The following ZZEF1 variants were observed in gnomAD, a reference collection of about 807,000 sequenced individuals.
The protein encoded by ZZEF1 is zinc finger ZZ-type and EF-hand domain-containing protein 1.
ZZEF1 carries 157 observed loss-of-function variants against 342.8 expected under a neutral mutation model. That is an observed-to-expected ratio of 0.46 (90% confidence interval 0.40 to 0.52). ZZEF1 has a LOEUF of 0.52. ZZEF1 is among the 20% of genes least tolerant of loss of function. ZZEF1 has a pLI of 0.00. For synonymous variants in ZZEF1, 1,505 were observed against 1,429.1 expected, an observed-to-expected ratio of 1.05 and a Z score of -1.20; for missense variants, 3,480 against 3,725.6, an observed-to-expected ratio of 0.93 and a Z score of 1.72.
At chr17:4,031,599 A>G (rs1034743807) in intron 42 of ZZEF1, among the ~76,000 whole-genome samples, 1 of 152,206 alleles carries the variant, frequency 6.6e-6, no homozygotes, top group Non-Finnish European at 1.5e-5. Flanking sequence ...GCTGATGCTG[A>G]GTGAAAATGC....
intron 7 of ZZEF1, among the ~76,000 whole-genome samples, chr17:4,105,253 T>C (rs1344551443): frequency 6.6e-6 from 1 of 152,188 alleles, no homozygotes; most frequent in Non-Finnish European, 1.5e-5. Flanking sequence ...TCTAATGCAA[T>C]AATGTCCTCA....
chr17:4,028,710 A>C (rs2056472169), intron 42 of ZZEF1, among the ~76,000 whole-genome samples: 1 of 152,224 alleles, frequency 6.6e-6, no homozygotes, highest in African/African-American at 2.4e-5. Flanking sequence ...GGTTAAAGTG[A>C]AAAGATGTGA....
At chr17:4,099,489 C>T (rs1203130661) in intron 9 of ZZEF1, among the ~76,000 whole-genome samples, 1 of 151,086 alleles carries the variant, frequency 6.6e-6, no homozygotes, top group Non-Finnish European at 1.5e-5. Context: ...CCCAAAGTGT[C>T]GGGGTTACAG....
intron 18 of ZZEF1, 147 bp downstream of exon 18, chr17:4,081,229 C>T: frequency 1.5e-6 from 1 of 688,822 alleles, no homozygotes; most frequent in Non-Finnish European, 2.5e-6. Context: ...AGAGCAAGAC[C>T]CTATCTCAAA....
In ZZEF1 at chr17:4,105,616, T is replaced by C. The variant is rs894370368; in HGVS notation, c.1394+77A>G. ...AGTGGTGATCGTTAAAAGATTAATA[T>C]ATATTTTTTAAAGACTTAACAAGCA... is the stretch of plus-strand genomic sequence containing the variant. On this transcript the variant is annotated intron_variant, in intron 7 of 54. Transcript: ENST00000381638. The C allele has an allele frequency of 1.1e-5, 12 of 1,084,114 alleles. No homozygotes were observed. The African/African-American group carries it at 1.1e-4, about 10-fold the overall frequency. 67.2% of individuals were successfully genotyped at this position (1,084,114 alleles called of 1,614,324 possible). A position where few individuals can be genotyped will look rare whatever the true frequency, so the allele number is the denominator to read the frequency against.
intron 14 of ZZEF1, 78 bp downstream of exon 14, chr17:4,087,356 A>G: frequency 8.1e-7 from 1 of 1,241,812 alleles, no homozygotes; most frequent in Non-Finnish European, 1.1e-6. Flanking sequence ...AAAAATTAGG[A>G]AAAAAATCCA....
At chr17:4,051,718 G>A (rs1407814752) in intron 35 of ZZEF1, among the ~76,000 whole-genome samples, 5 of 150,450 alleles carry the variant, frequency 3.3e-5, no homozygotes, top group African/African-American at 1.2e-4. Context: ...GCCTGGTCCT[G>A]GAATTGGCTT....
At position 4,090,693 on chromosome 17, in the gene ZZEF1, T is replaced by C. The variant is rs1241717885; in HGVS notation, c.2025+26A>G. ...AAAACACAGAATAAAAGGAGGGGAGTGGGCAAACGACGCACTAATGCTTAC... is the reference window on the plus strand; with the variant it reads ...AAAACACAGAATAAAAGGAGGGGAGCGGGCAAACGACGCACTAATGCTTAC... On this transcript the variant is annotated intron_variant, in intron 12 of 54. Transcript: ENST00000381638. 4 of 1,567,610 alleles carry C rather than the reference T, an allele frequency of 2.6e-6. No individual in the cohort carries two copies. In the Admixed American group the frequency reaches 6.7e-5, roughly 26 times the overall value.
intron 27 of ZZEF1, 37 bp from the exon 28 acceptor site, chr17:4,066,577 A>T (rs931793212): frequency 2.0e-5 from 32 of 1,592,298 alleles, no homozygotes; most frequent in Non-Finnish European, 2.3e-5. Flanking sequence ...TATGCTGTCC[A>T]GGCAGGGAAG....
chr17:4,049,224 G>A (rs1004423161), intron 37 of ZZEF1, among the ~76,000 whole-genome samples: 1 of 152,130 alleles, frequency 6.6e-6, no homozygotes, highest in Non-Finnish European at 1.5e-5. Flanking sequence ...TGAGAAAACT[G>A]AGGCAGGCTG....
rs191344678 is a variant in ZZEF1 at position 4,021,391 on chromosome 17, T to C, written c.7213-71A>G. ...GGAAGATGGTACAGTCCTTTAATCA[T>C]GAAAATATTGGGCCTAACTTTTTAA... On this transcript the variant is annotated intron_variant, in intron 44 of 54. Coordinates refer to ENST00000381638, the MANE Select transcript of ZZEF1 (RefSeq NM_015113.4). The C allele has an allele frequency of 2.1e-4, 273 of 1,272,326 alleles. No individual in the cohort carries two copies. In the African/African-American group the frequency reaches 3.4e-3, roughly 16 times the overall value. 78.8% of individuals were successfully genotyped at this position (1,272,326 alleles called of 1,614,324 possible). A position where few individuals can be genotyped will look rare whatever the true frequency, so the allele number is the denominator to read the frequency against.
chr17:4,066,311 T>C (rs1405499847), intron 28 of ZZEF1, 136 bp downstream of exon 28: 2 of 735,676 alleles, frequency 2.7e-6, no homozygotes, highest in Non-Finnish European at 4.7e-6. Flanking sequence ...TTGGATACTA[T>C]ATTTAGCATC....
chr17:4,047,252 T>G (rs2056937605), intron 37 of ZZEF1, among the ~76,000 whole-genome samples: 1 of 152,122 alleles, frequency 6.6e-6, no homozygotes, highest in African/African-American at 2.4e-5. Context: ...TATCAAAAAT[T>G]AAGGAACTGT....
At chr17:4,111,667 A>T (rs944305063) in intron 5 of ZZEF1, among the ~76,000 whole-genome samples, 5 of 149,594 alleles carry the variant, frequency 3.3e-5, no homozygotes, top group Non-Finnish European at 5.9e-5. Context: ...TCAAAAAAAA[A>T]ATATATAGAA....
chr17:4,084,976 G>C (rs924488775), intron 16 of ZZEF1, among the ~76,000 whole-genome samples: 1 of 152,150 alleles, frequency 6.6e-6, no homozygotes, highest in African/African-American at 2.4e-5. Context: ...GCCAGGCGTG[G>C]TGGCATGCAC....
At chr17:4,086,177 T>G (rs2057815273) in intron 15 of ZZEF1, among the ~76,000 whole-genome samples, 1 of 152,128 alleles carries the variant, frequency 6.6e-6, no homozygotes, top group East Asian at 1.9e-4. Flanking sequence ...ATAACACAGC[T>G]ATAGATCTGA....
intron 20 of ZZEF1, 39 bp from the exon 21 acceptor site, chr17:4,076,798 G>A: frequency 6.2e-7 from 1 of 1,611,430 alleles, no homozygotes; most frequent in South Asian, 1.1e-5. Context: ...GTCCACCTTA[G>A]GCTGGGCCTG....
At chr17:4,042,902 G>A (rs1271388507) in intron 38 of ZZEF1, among the ~76,000 whole-genome samples, 2 of 152,088 alleles carry the variant, frequency 1.3e-5, no homozygotes, top group South Asian at 2.1e-4. Flanking sequence ...GGCTGGTCTC[G>A]AACTCTTGAC....
At chr17:4,135,996 C>CTTTTTT (rs59632245) in intron 1 of ZZEF1, among the ~76,000 whole-genome samples, 1 of 125,516 alleles carries the variant, frequency 8.0e-6, no homozygotes. Context: ...GATATTTTCT[C>CTTTTTT]TTTTTTTTTT....
Sources: allele counts gnomAD v4.1 joint callset (sites outside exome capture counted in the v4.1 genomes callset), GRCh38; gene constraint gnomAD v4.1.1; transcripts MANE v1.5; gene names NCBI Gene and HGNC (gene_info 2026-07-23, HGNC 2026-07-21).